The following SHROOM3 variants were observed in gnomAD, a reference collection of about 807,000 sequenced individuals.
SHROOM3 encodes the protein shroom family member 3, also known as protein Shroom3.
Under a neutral mutation model 138.6 loss-of-function variants are expected in SHROOM3, and 47 were observed. The observed-to-expected ratio is 0.34, with a 90% CI of 0.27 to 0.43. The LOEUF (loss-of-function observed/expected upper bound fraction) is 0.43, where lower values mean the gene tolerates loss of function less well. Among genes scored for constraint, SHROOM3 ranks in the 20% least tolerant of loss-of-function variants. SHROOM3 has a pLI of 1.00. For synonymous variants in SHROOM3, 1,062 were observed against 1,063.3 expected, an observed-to-expected ratio of 1.00 and a Z score of 0.02; for missense variants, 2,491 against 2,596.5, an observed-to-expected ratio of 0.96 and a Z score of 0.88.
At chr4:76,622,107 G>A (rs753615341) in intron 2 of SHROOM3, among the ~76,000 whole-genome samples, 8 of 152,054 alleles carry the variant, frequency 5.3e-5, no homozygotes, top group Admixed American at 6.5e-5. Context: ...CTGGGATTGC[G>A]CACGGCTGAA....
chr4:76,749,221 A>G (rs886506072), intron 6 of SHROOM3, 131 bp downstream of exon 6: 5 of 831,540 alleles, frequency 6.0e-6, no homozygotes, highest in Admixed American at 2.6e-5. Context: ...TGTCTAGGCC[A>G]TGGATAACTT....
intron 9 of SHROOM3, 101 bp from the exon 10 acceptor site, chr4:76,770,525 G>C: frequency 7.1e-7 from 1 of 1,405,240 alleles, no homozygotes; most frequent in Non-Finnish European, 9.8e-7. Context: ...AGGATATTCA[G>C]CTGAGCCTTG....
chr4:76,557,226 T>C (rs1037663948), intron 2 of SHROOM3, among the ~76,000 whole-genome samples: 24 of 141,918 alleles, frequency 1.7e-4, no homozygotes, highest in African/African-American at 3.2e-4. Flanking sequence ...TGTTTATGTA[T>C]ACACACACAC....
At chr4:76,617,795 T>G (rs569839344) in intron 2 of SHROOM3, among the ~76,000 whole-genome samples, 56 of 152,368 alleles carry the variant, frequency 3.7e-4, no homozygotes, top group Non-Finnish European at 6.3e-4. Context: ...AAACTAAATT[T>G]AAGGTACCTG....
intron 5 of SHROOM3, among the ~76,000 whole-genome samples, chr4:76,748,291 T>G (rs1276288155): frequency 6.6e-6 from 1 of 152,204 alleles, no homozygotes; most frequent in African/African-American, 2.4e-5. Flanking sequence ...GATTTAATTT[T>G]TCTGGTTTTT....
At chr4:76,492,457 T>C (rs1210869196) in intron 1 of SHROOM3, among the ~76,000 whole-genome samples, 1 of 152,258 alleles carries the variant, frequency 6.6e-6, no homozygotes, top group East Asian at 1.9e-4. Flanking sequence ...TTCTTTGTCA[T>C]GTTCTTCTTT....
chr4:76,760,220 G>A (rs534188059), intron 9 of SHROOM3, among the ~76,000 whole-genome samples: 17 of 152,352 alleles, frequency 1.1e-4, no homozygotes, highest in African/African-American at 4.1e-4. Context: ...CGAATAGCTT[G>A]AAAGTGCAGT....
At chr4:76,530,731 C>T (rs1257595336) in intron 1 of SHROOM3, among the ~76,000 whole-genome samples, 2 of 152,172 alleles carry the variant, frequency 1.3e-5, no homozygotes, top group Admixed American at 6.5e-5. Flanking sequence ...ATTCCCGTGC[C>T]TGTACAAGCT....
intron 2 of SHROOM3, among the ~76,000 whole-genome samples, chr4:76,590,743 T>C (rs1577904697): frequency 1.3e-5 from 2 of 152,100 alleles, no homozygotes; most frequent in Admixed American, 6.5e-5. Flanking sequence ...TGGAAAAGAA[T>C]GGAGGTGAAA....
At chr4:76,765,447 G>T (rs142290779) in intron 9 of SHROOM3, among the ~76,000 whole-genome samples, 2 of 152,176 alleles carry the variant, frequency 1.3e-5, no homozygotes, top group Non-Finnish European at 2.9e-5. Context: ...GAGCCGGGGG[G>T]TTGAGGCTGT....
At chr4:76,498,949 T>G (rs1315610713) in intron 1 of SHROOM3, among the ~76,000 whole-genome samples, 1 of 152,218 alleles carries the variant, frequency 6.6e-6, no homozygotes, top group Non-Finnish European at 1.5e-5. Flanking sequence ...AGAACAGCTG[T>G]ATTTTTCTAA....
chr4:76,783,132 G>T lies in SHROOM3; in HGVS notation c.*3955G>T, dbSNP rs1260675389. 2 of 152,114 alleles carry T rather than the reference G, an allele frequency of 1.3e-5. No individual in the cohort carries two copies. The allele number at this position is 152,114 out of a possible 1,614,324, so 9.4% of individuals were successfully genotyped here. On this transcript the variant is annotated 3_prime_UTR_variant, in exon 11 of 11. Transcript: ENST00000296043. ...AGAGCCACTACCAATCATCTGTACA[G>T]TTCCTACTGTTATGATCACAATAAG...
At chr4:76,759,823 C>A in intron 9 of SHROOM3, 128 bp downstream of exon 9, 2 of 1,089,582 alleles carry the variant, frequency 1.8e-6, no homozygotes, top group Admixed American at 2.0e-5. Context: ...CCAGATTGCA[C>A]CAAAATCATT....
At chr4:76,722,228 A>G (rs1476019713) in intron 3 of SHROOM3, among the ~76,000 whole-genome samples, 1 of 152,186 alleles carries the variant, frequency 6.6e-6, no homozygotes, top group Non-Finnish European at 1.5e-5. Context: ...ATGCTTTACT[A>G]TTCACAATAG....
At chr4:76,710,019 A>G in intron 2 of SHROOM3, 137 bp from the exon 3 acceptor site, 1 of 1,113,946 alleles carries the variant, frequency 9.0e-7, no homozygotes, top group Non-Finnish European at 1.3e-6. Context: ...GCAGGCTTAG[A>G]ACCCTGCACT....
chr4:76,595,921 A>G (rs890157730), intron 2 of SHROOM3, among the ~76,000 whole-genome samples: 4 of 152,228 alleles, frequency 2.6e-5, no homozygotes, highest in African/African-American at 9.6e-5. Flanking sequence ...AAGAGGAGGC[A>G]GAACTCTTGC....
intron 1 of SHROOM3, among the ~76,000 whole-genome samples, chr4:76,499,556 C>T (rs1025394641): frequency 6.6e-6 from 1 of 152,060 alleles, no homozygotes; most frequent in Non-Finnish European, 1.5e-5. Context: ...AAATATTGTG[C>T]TATACACTAG....
intron 2 of SHROOM3, chr4:76,644,260 T>C (rs1735758509): frequency 6.6e-6 from 1 of 151,718 alleles, no homozygotes; most frequent in African/African-American, 2.4e-5. Context: ...TTTTTCTTTT[T>C]TTTTTTTTTG....
intron 1 of SHROOM3, among the ~76,000 whole-genome samples, chr4:76,510,981 G>C (rs923766403): frequency 1.3e-5 from 2 of 152,078 alleles, no homozygotes; most frequent in Non-Finnish European, 2.9e-5. Flanking sequence ...AGGAGTTCAA[G>C]ACCAGCCTGG....
Sources: gnomAD v4.1 joint callset for allele counts (sites outside exome capture counted in the v4.1 genomes callset) on GRCh38, gnomAD v4.1.1 for gene constraint, MANE v1.5 for transcripts, NCBI Gene and HGNC (gene_info 2026-07-23, HGNC 2026-07-21) for gene names.